MELK: variants seen among roughly 807,000 people sequenced by gnomAD.
MELK encodes the protein maternal embryonic leucine zipper kinase.
In MELK, 81 loss-of-function variants were observed where a neutral mutation model predicts 85.0. The ratio of observed to expected loss-of-function variants is 0.95; its 90% confidence interval spans 0.80 to 1.15. MELK has a LOEUF of 1.15. MELK is among the 50% of genes most tolerant of loss of function. The probability of loss-of-function intolerance (pLI) is 0.00; values close to 1 mark genes in which losing one functional copy is unlikely to be tolerated. For missense variants in MELK, 754 were observed against 777.5 expected, an observed-to-expected ratio of 0.97 and a Z score of 0.36; for synonymous variants, 252 against 265.0, an observed-to-expected ratio of 0.95 and a Z score of 0.48.
rs769350661 is a variant in MELK at position 36,582,975 on chromosome 9, G to GT, written c.59-637dup. 4.2e-3 allele frequency among the ~76,000 whole-genome samples: 597 copies of GT among 142,760 alleles called. 1 individual carries two copies. Among genetic ancestry groups the GT allele is most frequent in the Admixed American group, 5.3e-3 (75 of 14,124 alleles). 93.7% of individuals were successfully genotyped at this position (142,760 alleles called of 152,430 possible). ...TGAAAAATAATTGCTTATCTTCAAA[G>GT]TTTTTTTTTTTTTTTGGAGATGGAG... On this transcript the variant is annotated intron_variant, in intron 2 of 17. Coordinates refer to ENST00000298048, the MANE Select transcript of MELK (RefSeq NM_014791.4).
intron 10 of MELK, among the ~76,000 whole-genome samples, chr9:36,634,485 C>T (rs925683901): frequency 1.3e-5 from 2 of 151,060 alleles, no homozygotes; most frequent in East Asian, 2.0e-4. Context: ...CTGAGGCAGG[C>T]GTATTACTTG....
At chr9:36,586,542 T>C (rs572133915) in intron 3 of MELK, among the ~76,000 whole-genome samples, 79 of 152,298 alleles carry the variant, frequency 5.2e-4, no homozygotes, top group African/African-American at 1.9e-3. Flanking sequence ...TTTCTATTTA[T>C]TAATCTAAGA....
chr9:36,646,804 C>T (rs528264905), intron 11 of MELK, among the ~76,000 whole-genome samples: 5 of 152,328 alleles, frequency 3.3e-5, no homozygotes, highest in East Asian at 3.9e-4. Context: ...TGTCTGTGCC[C>T]CTCTGCACTA....
chr9:36,610,204 GGAA>G (rs1044291781), intron 8 of MELK, among the ~76,000 whole-genome samples: 1 of 152,126 alleles, frequency 6.6e-6, no homozygotes, highest in Non-Finnish European at 1.5e-5. Context: ...CTCACTTCTA[GGAA>G]GTAGCATACA....
chr9:36,628,204 A>T (rs1229537133), intron 8 of MELK, among the ~76,000 whole-genome samples: 1 of 152,074 alleles, frequency 6.6e-6, no homozygotes, highest in Non-Finnish European at 1.5e-5. Flanking sequence ...TTTGAATTGT[A>T]GCAATGAAGC....
At chr9:36,626,156 T>TA (rs1189093072) in intron 8 of MELK, among the ~76,000 whole-genome samples, 1 of 152,170 alleles carries the variant, frequency 6.6e-6, no homozygotes, top group East Asian at 1.9e-4. Flanking sequence ...CCAGTGCCCT[T>TA]ATACCAAGGC....
chr9:36,639,855 A>G (rs1051291153), intron 10 of MELK, among the ~76,000 whole-genome samples: 28 of 152,300 alleles, frequency 1.8e-4, no homozygotes, highest in Middle Eastern at 6.8e-3. Flanking sequence ...TACAGTTAAA[A>G]AAATATTTTT....
rs1484463569 is a variant in MELK at position 36,581,711 on chromosome 9, T to C, written c.30T>C (p.Tyr10=). The C allele has an allele frequency of 2.5e-6, 4 of 1,599,728 alleles. No homozygotes were observed. Among genetic ancestry groups the C allele is most frequent in the Non-Finnish European group, 1.7e-6 (2 of 1,168,054 alleles). MKDYDELLK[Y]YELHETIGTG... ...AAGATTATGATGAACTTCTCAAATATTATGAATTACATGAAACTATTGGGA... is the reference window on the plus strand; with the variant it reads ...AAGATTATGATGAACTTCTCAAATACTATGAATTACATGAAACTATTGGGA... Residue 10 remains tyrosine (Y), a synonymous_variant, in exon 2 of 18, where the codon TAT becomes TAC. Transcript: ENST00000298048.
intron 8 of MELK, among the ~76,000 whole-genome samples, chr9:36,624,431 G>A (rs372164444): frequency 7.9e-5 from 12 of 152,268 alleles, no homozygotes; most frequent in East Asian, 3.9e-4. Context: ...ACAAGCCCAT[G>A]GAGCCAGTAA....
intron 6 of MELK, among the ~76,000 whole-genome samples, chr9:36,598,964 G>T (rs1378246262): frequency 6.6e-6 from 1 of 152,112 alleles, no homozygotes; most frequent in East Asian, 1.9e-4. Flanking sequence ...ATTATGTGGG[G>T]TGGTTTTTCA....
At chr9:36,661,658 C>T (rs1181943230) in intron 13 of MELK, among the ~76,000 whole-genome samples, 7 of 152,020 alleles carry the variant, frequency 4.6e-5, no homozygotes, top group African/African-American at 9.7e-5. Flanking sequence ...ATAGCTAGGC[C>T]GGGCGCGGTG....
chr9:36,625,238 T>C (rs1827818046), intron 8 of MELK, among the ~76,000 whole-genome samples: 1 of 152,036 alleles, frequency 6.6e-6, no homozygotes, highest in African/African-American at 2.4e-5. Flanking sequence ...GATCAGCACA[T>C]AGGAAGCTCT....
At chr9:36,617,538 G>A (rs1826962274) in intron 8 of MELK, among the ~76,000 whole-genome samples, 1 of 151,938 alleles carries the variant, frequency 6.6e-6, no homozygotes, top group South Asian at 2.1e-4. Flanking sequence ...TATTGCTGAG[G>A]CTTGTCTCTG....
At chr9:36,604,439 C>T (rs1825274065) in intron 7 of MELK, among the ~76,000 whole-genome samples, 1 of 151,622 alleles carries the variant, frequency 6.6e-6, no homozygotes. Flanking sequence ...GCTTGGATTA[C>T]AGGCACATGC....
At chr9:36,578,002 T>C (rs1025352972) in intron 1 of MELK, among the ~76,000 whole-genome samples, 1 of 152,024 alleles carries the variant, frequency 6.6e-6, no homozygotes, top group Non-Finnish European at 1.5e-5. Context: ...TCCTGGCTTG[T>C]CTTGAACTCC....
chr9:36,615,486 G>C (rs1826601871), intron 8 of MELK, among the ~76,000 whole-genome samples: 2 of 134,498 alleles, frequency 1.5e-5, no homozygotes, highest in African/African-American at 2.9e-5. Context: ...CTGGCCTGGC[G>C]GGGGCTGACC....
chr9:36,629,541 T>C (rs553829732), intron 8 of MELK, among the ~76,000 whole-genome samples: 1 of 152,330 alleles, frequency 6.6e-6, no homozygotes, highest in African/African-American at 2.4e-5. Flanking sequence ...GTGAATTCTG[T>C]TTTGTGGATG....
intron 4 of MELK, among the ~76,000 whole-genome samples, chr9:36,590,014 C>T (rs1367690182): frequency 2.6e-5 from 4 of 151,340 alleles, no homozygotes; most frequent in Non-Finnish European, 4.4e-5. Flanking sequence ...CTCCACCTCC[C>T]GAGTTCACGC....
chr9:36,594,359 T>C (rs545342941), intron 4 of MELK, among the ~76,000 whole-genome samples: 4 of 152,322 alleles, frequency 2.6e-5, no homozygotes, highest in Admixed American at 2.6e-4. Flanking sequence ...AAACCCTGGG[T>C]GAGCTTTTTA....
Sources: gnomAD v4.1 joint callset for allele counts (sites outside exome capture counted in the v4.1 genomes callset) on GRCh38, gnomAD v4.1.1 for gene constraint, MANE v1.5 for transcripts, NCBI Gene and HGNC (gene_info 2026-07-23, HGNC 2026-07-21) for gene names.